GSE1: variants seen among roughly 807,000 people sequenced by gnomAD.
GSE1 encodes genetic suppressor element 1.
Under a neutral mutation model 112.6 loss-of-function variants are expected in GSE1, and 32 were observed. That is an observed-to-expected ratio of 0.28 (90% CI 0.21 to 0.38). The LOEUF (loss-of-function observed/expected upper bound fraction) is 0.38, where lower values mean the gene tolerates loss of function less well. Ranked by LOEUF, GSE1 falls within the 10% of genes least tolerant of loss-of-function variation. The probability of loss-of-function intolerance (pLI) is 1.00; values close to 1 mark genes in which losing one functional copy is unlikely to be tolerated. For missense variants in GSE1, 2,348 were observed against 1,699.2 expected (o/e 1.38, Z -6.71); for synonymous variants, 1,115 against 735.6 (o/e 1.52, Z -8.35).
intron 1 of GSE1, among the ~76,000 whole-genome samples, chr16:85,586,809 C>G (rs2046720041): frequency 1.3e-5 from 2 of 152,196 alleles, no homozygotes; most frequent in Admixed American, 1.3e-4. Context: ...TGCCCCCAGG[C>G]CCCCTGGCAG....
chr16:85,656,246 C>G (rs373726559), intron 6 of GSE1, 97 bp from the exon 7 acceptor site: 15 of 1,466,236 alleles, frequency 1.0e-5, no homozygotes, highest in Admixed American at 5.9e-5. Context: ...AGATTAGCGC[C>G]CTGGCTCGTT....
In GSE1 at chr16:85,433,235, T is replaced by G. The variant is rs7201163; in HGVS notation, c.2464+75592T>G. ...TGCTTGGTTTACATTGTCATTTTCA[T>G]TTAATCTTCATAAGAACCCCAAAGA... is the stretch of plus-strand genomic sequence containing the variant. On this transcript the variant is annotated intron_variant, in intron 2 of 2. Transcript: ENST00000637419. Among the ~76,000 whole-genome samples, 5 of 151,818 alleles carry G rather than the reference T, an allele frequency of 3.3e-5. No homozygotes were observed. In the South Asian group the frequency reaches 1.0e-3, roughly 32 times the overall value.
intron 1 of GSE1, among the ~76,000 whole-genome samples, chr16:85,226,470 A>T (rs2075487239): frequency 6.6e-6 from 1 of 152,148 alleles, no homozygotes; most frequent in Admixed American, 6.5e-5. Flanking sequence ...GTGGGGCCTG[A>T]CCAAGGGGGC....
At chr16:85,520,429 T>A (rs1201258923) in intron 2 of GSE1, among the ~76,000 whole-genome samples, 5 of 114,702 alleles carry the variant, frequency 4.4e-5, no homozygotes, top group Admixed American at 1.7e-4. Flanking sequence ...CCTGCTCCTA[T>A]TTTTTTTTTT....
intron 2 of GSE1, among the ~76,000 whole-genome samples, chr16:85,639,531 TCCC>T (rs897183701): frequency 6.6e-6 from 1 of 152,228 alleles, no homozygotes; most frequent in African/African-American, 2.4e-5. Context: ...TGTGTCGGGA[TCCC>T]CCCATCATCC....
chr16:85,202,732 C>T lies in GSE1; in HGVS notation c.2283+30925C>T, dbSNP rs1174582067. 3.3e-5 allele frequency among the ~76,000 whole-genome samples: 5 copies of T among 152,244 alleles called. No individual in the cohort carries two copies. The East Asian group carries it at 9.6e-4, about 29-fold the overall frequency. The stretch of plus-strand genomic sequence containing the variant: ...CCTCTGGCCGGAGCCAGGCCGATCG[C>T]ACCCAGCTCCCTGTGTCTGTTCTCG... On this transcript the variant is annotated intron_variant, in intron 1 of 2. Coordinates refer to the GSE1 transcript ENST00000637419.
chr16:85,649,711 G>C (rs1349971369), intron 3 of GSE1, among the ~76,000 whole-genome samples: 5 of 152,212 alleles, frequency 3.3e-5, no homozygotes, highest in Non-Finnish European at 7.4e-5. Context: ...CTGTCACCTG[G>C]ACTTTTCTGC....
chr16:85,188,861 C>G (rs1303879242), intron 1 of GSE1, among the ~76,000 whole-genome samples: 1 of 151,900 alleles, frequency 6.6e-6, no homozygotes, highest in Non-Finnish European at 1.5e-5. Flanking sequence ...ATCCATCATC[C>G]TCATCACTAC....
At chr16:85,208,003 C>T (rs1182348724) in intron 1 of GSE1, 2 of 151,870 alleles carry the variant, frequency 1.3e-5, no homozygotes, top group Non-Finnish European at 2.9e-5. Flanking sequence ...TGATGAGGGT[C>T]CCTGGGGACA....
At chr16:85,601,756 C>T (rs1462342697) in intron 1 of GSE1, among the ~76,000 whole-genome samples, 2 of 152,214 alleles carry the variant, frequency 1.3e-5, no homozygotes, top group Non-Finnish European at 2.9e-5. Context: ...TTGCAGCCGA[C>T]GTGAGCTAGG....
At chr16:85,306,441 GAGAGTAAGT>G (rs2045681514) in intron 1 of GSE1, 1 of 152,596 alleles carries the variant, frequency 6.6e-6, no homozygotes, top group Non-Finnish European at 1.5e-5. Context: ...GAGTTGTGCT[GAGAGTAAGT>G]AGAGTTTTTC....
rs763667626 is a variant in GSE1, at chr16:85,654,329, C to G, written c.478C>G (p.Pro160Ala). 6 of 1,611,066 alleles carry G rather than the reference C, an allele frequency of 3.7e-6. No individual in the cohort carries two copies. Among genetic ancestry groups the G allele is most frequent in the Middle Eastern group, 1.7e-4 (1 of 5,970 alleles). ...AGGTCGGGAACGCCTCATTGTGGAGCCCCCGCTCCCTCAGGAGAAGGCAGG... is the reference window on the plus strand; with the variant it reads ...AGGTCGGGAACGCCTCATTGTGGAGGCCCCGCTCCCTCAGGAGAAGGCAGG... ...SGGRERLIVEPPLPQEKAGGP... is the reference protein window; with the variant it reads ...SGGRERLIVEAPLPQEKAGGP... The change falls in exon 4 of 16, where the codon CCC becomes GCC. Residue 160 changes from proline (P) to alanine (A), a missense_variant. Pro to Ala is a conservative substitution (Grantham distance 27). Transcript: ENST00000253458.
At chr16:85,420,038 T>C (rs2048796323) in intron 2 of GSE1, among the ~76,000 whole-genome samples, 2 of 152,196 alleles carry the variant, frequency 1.3e-5, no homozygotes, top group South Asian at 4.1e-4. Context: ...ACAGAACAAG[T>C]CCCTGCCCTA....
At chr16:85,337,389 T>C (rs1314103283) in intron 1 of GSE1, among the ~76,000 whole-genome samples, 28 of 149,348 alleles carry the variant, frequency 1.9e-4, no homozygotes, top group African/African-American at 6.4e-4. Flanking sequence ...CACTGCAAGC[T>C]CCGCCTCCCG....
chr16:85,300,626 CCT>C (rs1438151790), intron 1 of GSE1, among the ~76,000 whole-genome samples: 1 of 152,210 alleles, frequency 6.6e-6, no homozygotes, highest in African/African-American at 2.4e-5. Context: ...GTGCCTCATT[CCT>C]CTCTCGCCGA....
At chr16:85,252,240 C>T (rs1251443058) in intron 1 of GSE1, among the ~76,000 whole-genome samples, 2 of 152,146 alleles carry the variant, frequency 1.3e-5, no homozygotes, top group Non-Finnish European at 2.9e-5. Flanking sequence ...CAGGAGGGGG[C>T]TGAGCCTGTC....
intron 1 of GSE1, among the ~76,000 whole-genome samples, chr16:85,198,893 C>T (rs1439157037): frequency 3.9e-5 from 6 of 152,116 alleles, no homozygotes; most frequent in African/African-American, 1.4e-4. Flanking sequence ...ATCCTCCCAC[C>T]TCAGCCTCTG....
chr16:85,585,571 G>A (rs1021565247), intron 1 of GSE1, among the ~76,000 whole-genome samples: 13 of 152,134 alleles, frequency 8.5e-5, no homozygotes, highest in Non-Finnish European at 1.8e-4. Flanking sequence ...GTGGGGAGGA[G>A]GGAGGGAGAC....
chr16:85,253,058 GCCCCCCCCCCAC>G (rs1906662889), intron 1 of GSE1, among the ~76,000 whole-genome samples: 2 of 47,166 alleles, frequency 4.2e-5, no homozygotes, highest in Admixed American at 2.8e-4. Context: ...AGGCGCCCCC[GCCCCCCCCCCAC>G]CCCCCCCCCC....
Sources: gnomAD v4.1 joint callset for allele counts (sites outside exome capture counted in the v4.1 genomes callset) on GRCh38, gnomAD v4.1.1 for gene constraint, MANE v1.5 for transcripts, NCBI Gene and HGNC (gene_info 2026-07-23, HGNC 2026-07-21) for gene names.